FHIT: variants seen among roughly 807,000 people sequenced by gnomAD.
The protein encoded by FHIT is fragile histidine triad diadenosine triphosphatase.
FHIT carries 19 observed loss-of-function variants against 17.9 expected under a neutral mutation model. That is an observed-to-expected ratio of 1.06 (90% CI 0.74 to 1.56). The LOEUF is 1.56. Ranked by LOEUF, FHIT falls within the 40% of genes most tolerant of loss-of-function variation. FHIT has a pLI of 0.00. For synonymous variants in FHIT, 81 were observed against 69.7 expected, an observed-to-expected ratio of 1.16 and a Z score of -0.81; for missense variants, 248 against 189.2, an observed-to-expected ratio of 1.31 and a Z score of -1.82.
chr3:61,006,904 A>G (rs1290430261), intron 3 of FHIT, among the ~76,000 whole-genome samples: 1 of 152,186 alleles, frequency 6.6e-6, no homozygotes, highest in Non-Finnish European at 1.5e-5. Flanking sequence ...TCGATTGGAA[A>G]GAAGGAGGGG....
intron 5 of FHIT, among the ~76,000 whole-genome samples, chr3:60,315,292 G>C (rs895747134): frequency 1.3e-5 from 2 of 152,160 alleles, no homozygotes; most frequent in Non-Finnish European, 2.9e-5. Context: ...CACAGCAACA[G>C]ATAGCCAGAA....
At chr3:59,826,120 CTTAT>C (rs1008157842) in intron 8 of FHIT, among the ~76,000 whole-genome samples, 3 of 152,076 alleles carry the variant, frequency 2.0e-5, no homozygotes, top group Admixed American at 6.6e-5. Context: ...CTCTGATCAT[CTTAT>C]TTATTTATTT....
At chr3:60,020,164 A>C (rs1700500168) in intron 5 of FHIT, among the ~76,000 whole-genome samples, 3 of 152,204 alleles carry the variant, frequency 2.0e-5, no homozygotes, top group Admixed American at 6.5e-5. Flanking sequence ...CCAACTACAT[A>C]AAATTTCCAT....
intron 5 of FHIT, among the ~76,000 whole-genome samples, chr3:60,396,929 C>T (rs1160673654): frequency 6.6e-6 from 1 of 152,138 alleles, no homozygotes; most frequent in Non-Finnish European, 1.5e-5. Flanking sequence ...TTATCCTCCT[C>T]ATATCTAAGT....
intron 5 of FHIT, among the ~76,000 whole-genome samples, chr3:60,102,590 G>A (rs923509169): frequency 6.6e-6 from 1 of 151,616 alleles, no homozygotes; most frequent in Non-Finnish European, 1.5e-5. Flanking sequence ...ATCCATAGTT[G>A]GCTATTTTGG....
At chr3:60,225,877 C>G (rs1704174296) in intron 5 of FHIT, among the ~76,000 whole-genome samples, 2 of 152,128 alleles carry the variant, frequency 1.3e-5, no homozygotes, top group African/African-American at 4.8e-5. Context: ...ATCTACAGAA[C>G]TGCAGAGGAC....
At chr3:60,815,848 T>C (rs1701722991) in intron 4 of FHIT, among the ~76,000 whole-genome samples, 2 of 152,150 alleles carry the variant, frequency 1.3e-5, no homozygotes, top group African/African-American at 2.4e-5. Context: ...ATGAAATTGA[T>C]TCTTCCAATC....
At chr3:60,139,536 T>C (rs906120504) in intron 5 of FHIT, among the ~76,000 whole-genome samples, 4 of 152,158 alleles carry the variant, frequency 2.6e-5, no homozygotes, top group Non-Finnish European at 5.9e-5. Flanking sequence ...TCTGAACTTC[T>C]TAGAAGCCTT....
intron 4 of FHIT, among the ~76,000 whole-genome samples, chr3:60,613,213 GT>G (rs1333554811): frequency 2.6e-5 from 4 of 152,122 alleles, no homozygotes; most frequent in African/African-American, 7.2e-5. Context: ...TTCAGGTTGA[GT>G]TCTGGCCAAA....
intron 8 of FHIT, among the ~76,000 whole-genome samples, chr3:59,885,875 G>A (rs1467419962): frequency 3.9e-5 from 6 of 152,168 alleles, no homozygotes; most frequent in African/African-American, 9.7e-5. Flanking sequence ...AGTAAAACTA[G>A]CAGGCAGGCA....
chr3:61,247,626 G>A (rs1018872805), intron 1 of FHIT, among the ~76,000 whole-genome samples: 1 of 152,208 alleles, frequency 6.6e-6, no homozygotes, highest in Non-Finnish European at 1.5e-5. Flanking sequence ...CAAGAGTTGT[G>A]AGGAACTTCA....
intron 4 of FHIT, among the ~76,000 whole-genome samples, chr3:60,723,640 C>T (rs926886676): frequency 6.6e-6 from 1 of 152,182 alleles, no homozygotes; most frequent in Non-Finnish European, 1.5e-5. Context: ...GACGCTTACT[C>T]CTGATTTCTC....
chr3:60,596,617 G>T (rs2038278700), intron 4 of FHIT, among the ~76,000 whole-genome samples: 1 of 152,010 alleles, frequency 6.6e-6, no homozygotes, highest in African/African-American at 2.4e-5. Flanking sequence ...CATAGTAAAG[G>T]AATCTGCACC....
intron 8 of FHIT, among the ~76,000 whole-genome samples, chr3:59,868,062 A>AC (rs1702740058): frequency 6.6e-6 from 1 of 151,682 alleles, no homozygotes; most frequent in Non-Finnish European, 1.5e-5. Flanking sequence ...AAAAAAAAAA[A>AC]AAAACCTTTC....
intron 7 of FHIT, among the ~76,000 whole-genome samples, chr3:59,958,385 T>A (rs988452154): frequency 7.2e-5 from 11 of 152,216 alleles, no homozygotes; most frequent in African/African-American, 2.7e-4. Flanking sequence ...AAGTTGATTA[T>A]TGCACAATGA....
chr3:60,627,736 C>G (rs983851702), intron 4 of FHIT, among the ~76,000 whole-genome samples: 2 of 152,140 alleles, frequency 1.3e-5, no homozygotes, highest in Non-Finnish European at 2.9e-5. Context: ...ATTGGCCAGG[C>G]TAGTCACATA....
chr3:61,099,704 A>T (rs1392587460), intron 2 of FHIT, among the ~76,000 whole-genome samples: 1 of 151,922 alleles, frequency 6.6e-6, no homozygotes, highest in Non-Finnish European at 1.5e-5. Flanking sequence ...ATCTGCATAG[A>T]GGTGTTTATA....
intron 5 of FHIT, among the ~76,000 whole-genome samples, chr3:60,381,310 T>C (rs1019000909): frequency 3.3e-5 from 5 of 151,714 alleles, no homozygotes; most frequent in African/African-American, 1.2e-4. Flanking sequence ...AAACCCTATC[T>C]CTACTAAAAA....
At chr3:60,423,668 G>A (rs1040842658) in intron 5 of FHIT, among the ~76,000 whole-genome samples, 4 of 152,082 alleles carry the variant, frequency 2.6e-5, no homozygotes, top group Admixed American at 6.5e-5. Flanking sequence ...AGGCAATGGC[G>A]CAATAATATT....
Sources: allele counts gnomAD v4.1 joint callset (sites outside exome capture counted in the v4.1 genomes callset), GRCh38; gene constraint gnomAD v4.1.1; transcripts MANE v1.5; gene names NCBI Gene and HGNC (gene_info 2026-07-23, HGNC 2026-07-21).